PAX3: variants seen among roughly 807,000 people sequenced by gnomAD.
PAX3 encodes the protein paired box protein Pax-3.
A neutral mutation model predicts 51.6 loss-of-function variants in PAX3; 14 were observed. The observed-to-expected ratio is 0.27, with a 90% CI of 0.18 to 0.42. The LOEUF is 0.42. Among genes scored for constraint, PAX3 ranks in the 10% least tolerant of loss-of-function variants. The pLI is 1.00. For missense variants in PAX3, 540 were observed against 642.8 expected (o/e 0.84, Z 1.73); for synonymous variants, 280 against 253.4 (o/e 1.11, Z -1.00).
intron 4 of PAX3, among the ~76,000 whole-genome samples, chr2:222,290,140 G>A (rs1298199929): frequency 6.6e-6 from 1 of 152,076 alleles, no homozygotes; most frequent in Non-Finnish European, 1.5e-5. Flanking sequence ...GATTTCAGCA[G>A]TCCCTTAATG....
chr2:222,222,473 A>G (rs762384111), intron 5 of PAX3, among the ~76,000 whole-genome samples: 4 of 150,058 alleles, frequency 2.7e-5, no homozygotes, highest in Middle Eastern at 3.4e-3. Context: ...GCGGGATCTC[A>G]GTTCAACCCA....
intron 4 of PAX3, among the ~76,000 whole-genome samples, chr2:222,250,489 A>G (rs1398611606): frequency 6.6e-6 from 1 of 152,180 alleles, no homozygotes; most frequent in Non-Finnish European, 1.5e-5. Flanking sequence ...TTGCAGAGGA[A>G]ATACCTTCAC....
chr2:222,250,559 C>T (rs949289153), intron 4 of PAX3, among the ~76,000 whole-genome samples: 1 of 152,162 alleles, frequency 6.6e-6, no homozygotes, highest in Admixed American at 6.6e-5. Flanking sequence ...ATAGGCCAAA[C>T]TTAATACCCT....
intron 4 of PAX3, among the ~76,000 whole-genome samples, chr2:222,281,724 A>G (rs148123230): frequency 0.021 from 3,255 of 152,374 alleles, 44 homozygotes; most frequent in Middle Eastern, 0.088. Context: ...CAGATGCCAC[A>G]AACTATGAGC....
intron 4 of PAX3, among the ~76,000 whole-genome samples, chr2:222,256,066 G>T (rs1228517014): frequency 1.3e-5 from 2 of 151,724 alleles, no homozygotes; most frequent in African/African-American, 4.8e-5. Context: ...ACCACGCCCA[G>T]CCCCGATTAT....
intron 7 of PAX3, among the ~76,000 whole-genome samples, chr2:222,210,696 T>C (rs756483015): frequency 1.3e-5 from 2 of 152,172 alleles, no homozygotes; most frequent in Non-Finnish European, 2.9e-5. Context: ...ACCTTAGAGT[T>C]ACTGCATTCT....
At chr2:222,236,999 A>AT (rs1692821419) in intron 4 of PAX3, among the ~76,000 whole-genome samples, 1 of 152,166 alleles carries the variant, frequency 6.6e-6, no homozygotes, top group African/African-American at 2.4e-5. Context: ...AGATTTAGAA[A>AT]TTTTTGAATC....
At chr2:222,291,433 G>A (rs985226111) in intron 4 of PAX3, among the ~76,000 whole-genome samples, 1 of 152,258 alleles carries the variant, frequency 6.6e-6, no homozygotes, top group Non-Finnish European at 1.5e-5. Context: ...AGCACCGCTA[G>A]CGGCTCAGCT....
chr2:222,255,289 G>T (rs1299156991), intron 4 of PAX3, among the ~76,000 whole-genome samples: 1 of 138,600 alleles, frequency 7.2e-6, no homozygotes, highest in African/African-American at 2.5e-5. Flanking sequence ...GAAAATGCCT[G>T]CCCTGCCTAA....
intron 5 of PAX3, among the ~76,000 whole-genome samples, chr2:222,226,143 A>G (rs1381510396): frequency 2.0e-5 from 3 of 152,186 alleles, no homozygotes; most frequent in African/African-American, 7.2e-5. Flanking sequence ...ATGGGGAGAG[A>G]ACATAATAGT....
intron 4 of PAX3, among the ~76,000 whole-genome samples, chr2:222,253,469 C>T (rs758430638): frequency 2.0e-5 from 3 of 151,748 alleles, no homozygotes; most frequent in African/African-American, 2.4e-5. Flanking sequence ...TCTGAACAAA[C>T]CTAGGTGATG....
chr2:222,262,927 C>CA (rs1338173879), intron 4 of PAX3: 3 of 152,014 alleles, frequency 2.0e-5, no homozygotes, highest in Admixed American at 1.3e-4. Flanking sequence ...CATACAGATG[C>CA]AAAAAATACA....
intron 4 of PAX3, chr2:222,287,292 T>G (rs548122955): frequency 3.9e-5 from 6 of 152,384 alleles, no homozygotes; most frequent in Non-Finnish European, 8.8e-5. Context: ...AAGGTAAGAA[T>G]TTATAACACC....
At chr2:222,268,977 C>G (rs1694155036) in intron 4 of PAX3, among the ~76,000 whole-genome samples, 1 of 152,098 alleles carries the variant, frequency 6.6e-6, no homozygotes, top group Non-Finnish European at 1.5e-5. Context: ...TATTTATCAC[C>G]TTTTCTGGGC....
At chr2:222,275,603 C>T (rs1694391749) in intron 4 of PAX3, among the ~76,000 whole-genome samples, 2 of 151,014 alleles carry the variant, frequency 1.3e-5, no homozygotes, top group Non-Finnish European at 3.0e-5. Flanking sequence ...AAATAATTTT[C>T]CTCCACAAAA....
intron 5 of PAX3, among the ~76,000 whole-genome samples, chr2:222,221,940 A>G (rs888636771): frequency 1.3e-5 from 2 of 151,476 alleles, no homozygotes; most frequent in African/African-American, 4.9e-5. Context: ...GAAACATTGC[A>G]CTGATCTCGG....
At chr2:222,233,897 G>A (rs1261348117) in intron 4 of PAX3, among the ~76,000 whole-genome samples, 3 of 152,178 alleles carry the variant, frequency 2.0e-5, no homozygotes, top group Admixed American at 1.3e-4. Context: ...TGCACCCTCA[G>A]GCTGATAGGA....
At chr2:222,229,416 G>T in intron 5 of PAX3, among the ~76,000 whole-genome samples, 1 of 151,918 alleles carries the variant, frequency 6.6e-6, no homozygotes, top group East Asian at 1.9e-4. Flanking sequence ...ATGATAATAG[G>T]TTTCCCAACT....
chr2:222,244,967 G>A (rs1693166744), intron 4 of PAX3, among the ~76,000 whole-genome samples: 1 of 151,916 alleles, frequency 6.6e-6, no homozygotes. Flanking sequence ...GGCCAATGAG[G>A]CAAAATCCCG....
Sources: allele counts gnomAD v4.1 joint callset (sites outside exome capture counted in the v4.1 genomes callset), GRCh38; gene constraint gnomAD v4.1.1; transcripts MANE v1.5; gene names NCBI Gene and HGNC (gene_info 2026-07-23, HGNC 2026-07-21).